The following MMP28 variants were observed in gnomAD, a reference collection of about 807,000 sequenced individuals.
MMP28 encodes the protein matrix metalloproteinase-28.
Under a neutral mutation model 60.5 loss-of-function variants are expected in MMP28, and 55 were observed. The observed-to-expected ratio is 0.91, with a 90% CI of 0.73 to 1.14. MMP28 has a LOEUF of 1.14. MMP28 is among the 50% of genes most tolerant of loss of function. The pLI is 0.00. For missense variants in MMP28, 686 were observed against 738.3 expected, an observed-to-expected ratio of 0.93 and a Z score of 0.82; for synonymous variants, 318 against 312.5, an observed-to-expected ratio of 1.02 and a Z score of -0.18.
At position 35,777,142 on chromosome 17, in the gene MMP28, G is replaced by A. The variant is rs1175603478; in HGVS notation, c.379+1746C>T. Among the ~76,000 whole-genome samples the A allele has an allele frequency of 4.6e-5, 7 of 152,202 alleles. No individual in the cohort carries two copies. The East Asian group carries it at 9.6e-4, about 21-fold the overall frequency. ...TGCAACCTGGAAGGGCCTATGTCTC[G>A]GATGAAGGAACGGAGCCTCAGTGAG... On this transcript the variant is annotated intron_variant, in intron 3 of 7. Coordinates refer to ENST00000605424, the MANE Select transcript of MMP28 (RefSeq NM_024302.5).
intron 1 of MMP28, among the ~76,000 whole-genome samples, chr17:35,785,779 T>G (rs1555610325): frequency 3.3e-5 from 5 of 152,114 alleles, no homozygotes; most frequent in Non-Finnish European, 1.5e-5. Context: ...CTAATATATA[T>G]TCCAGCTCTA....
intron 1 of MMP28, among the ~76,000 whole-genome samples, chr17:35,784,651 C>A (rs2086599861): frequency 1.3e-5 from 2 of 152,126 alleles, no homozygotes; most frequent in South Asian, 4.1e-4. Flanking sequence ...ACAAAGGGAT[C>A]CCAGGAGAAG....
At chr17:35,772,686 G>A (rs2086193690) in intron 4 of MMP28, among the ~76,000 whole-genome samples, 1 of 152,212 alleles carries the variant, frequency 6.6e-6, no homozygotes, top group South Asian at 2.1e-4. Context: ...CTTCAGGTTG[G>A]GGACAAACAG....
intron 1 of MMP28, 110 bp downstream of exon 1, chr17:35,795,157 T>G: frequency 1.6e-6 from 1 of 642,684 alleles, no homozygotes; most frequent in Admixed American, 4.3e-5. Flanking sequence ...AGGACAGGGG[T>G]AGGGTAACGC....
At chr17:35,776,794 CAGA>C (rs1252827868) in intron 3 of MMP28, among the ~76,000 whole-genome samples, 1 of 151,910 alleles carries the variant, frequency 6.6e-6, no homozygotes, top group African/African-American at 2.4e-5. Flanking sequence ...GAGGCTGGGG[CAGA>C]AGAATTGCTT....
chr17:35,769,912 G>A (rs1038198404), intron 5 of MMP28, among the ~76,000 whole-genome samples, 155 bp downstream of exon 5: 2 of 152,076 alleles, frequency 1.3e-5, no homozygotes, highest in Non-Finnish European at 2.9e-5. Flanking sequence ...ATTTGAGGAG[G>A]GGCATAGGGC....
chr17:35,764,269 C>T, downstream of MMP28: 1 of 1,537,390 alleles, frequency 6.5e-7, no homozygotes, highest in East Asian at 2.5e-5. Context: ...ACAGCGGCTT[C>T]TGGGGCTGGC....
In MMP28 at chr17:35,766,959, T is replaced by C; in HGVS notation, c.1169-65A>G. The C allele has an allele frequency of 7.0e-7, 1 of 1,427,970 alleles. No individual in the cohort carries two copies. The highest frequency in any genetic ancestry group is 9.6e-7 in the Non-Finnish European group (1 of 1,044,250). 88.5% of individuals were successfully genotyped at this position (1,427,970 alleles called of 1,614,324 possible). On this transcript the variant is annotated intron_variant, in intron 7 of 7. Transcript: ENST00000605424. The surrounding 1 kb of genome is among the most constrained non-coding windows in gnomAD (Gnocchi z 4.3). The stretch of plus-strand genomic sequence containing the variant: ...TCACCCATTGGCCCTCTACCCCACT[T>C]CTGTCCCCCATACCTCTGCTCTCCT...
chr17:35,771,475 G>A (rs1555605661), intron 4 of MMP28, among the ~76,000 whole-genome samples: 1 of 148,788 alleles, frequency 6.7e-6, no homozygotes, highest in African/African-American at 2.5e-5. Flanking sequence ...AAAGATCTAG[G>A]AGTAGGTAGA....
At chr17:35,779,148 G>A in intron 2 of MMP28, 73 bp from the exon 3 acceptor site, 1 of 1,573,018 alleles carries the variant, frequency 6.4e-7, no homozygotes, top group East Asian at 2.3e-5. Flanking sequence ...CCTCCCTGGG[G>A]TGTAGCCAGC....
downstream of MMP28, chr17:35,764,724 A>G (rs1555602500): frequency 4.3e-5 from 55 of 1,275,402 alleles, no homozygotes; most frequent in Non-Finnish European, 5.4e-5. Flanking sequence ...ATTCCGCAGG[A>G]CCGCCCCTTC....
At chr17:35,787,048 G>C (rs199760795) in intron 1 of MMP28, among the ~76,000 whole-genome samples, 1 of 152,228 alleles carries the variant, frequency 6.6e-6, no homozygotes, top group East Asian at 1.9e-4. Context: ...TAAAACTAAA[G>C]GGGCAAGGGC....
chr17:35,787,577 G>A (rs1441059280), intron 1 of MMP28, among the ~76,000 whole-genome samples: 2 of 152,052 alleles, frequency 1.3e-5, no homozygotes, highest in Non-Finnish European at 2.9e-5. Context: ...TGCAATCTCC[G>A]CCTCCTGGGC....
intron 1 of MMP28, among the ~76,000 whole-genome samples, chr17:35,792,603 G>A (rs557635924): frequency 2.0e-5 from 3 of 152,316 alleles, no homozygotes; most frequent in South Asian, 4.1e-4. Context: ...TTGTAATGTA[G>A]TCATAGTAAC....
intron 3 of MMP28, among the ~76,000 whole-genome samples, chr17:35,774,716 G>A (rs951627456): frequency 6.6e-6 from 1 of 152,180 alleles, no homozygotes; most frequent in Non-Finnish European, 1.5e-5. Flanking sequence ...GGCCTGTTTG[G>A]CCTGGCAGCC....
Position 35,770,133 on chromosome 17 carries a change from A to G in MMP28, c.784T>C (p.Tyr262His), listed in dbSNP as rs779090998. 1.4e-5 allele frequency: 22 copies of G among 1,607,486 alleles called. No homozygotes were observed. Among genetic ancestry groups the G allele is most frequent in the Admixed American group, 1.7e-5 (1 of 59,376 alleles). Residue 262 changes from tyrosine (Y) to histidine (H), a missense_variant, in exon 5 of 8, where the codon TAC becomes CAC. Transcript: ENST00000605424. Reference sequence around the variant, plus strand: ...AGCGCGTCGCGGCCCAGCCTCTTGTAGTAGGGCGCCATGAGCGCGCGCGGC... The same window carrying G: ...AGCGCGTCGCGGCCCAGCCTCTTGTGGTAGGGCGCCATGAGCGCGCGCGGC... ...PAPRALMAPY[Y>H]KRLGRDALLS...
intron 1 of MMP28, 127 bp downstream of exon 1, chr17:35,795,140 G>GGCA (rs2086931268): frequency 1.8e-6 from 1 of 564,914 alleles, no homozygotes; most frequent in South Asian, 4.7e-5. Context: ...AAGTGCGAAG[G>GGCA]GGGCGGAGGA....
chr17:35,790,888 ATG>A (rs201601048), intron 1 of MMP28, among the ~76,000 whole-genome samples: 138 of 145,050 alleles, frequency 9.5e-4, no homozygotes, highest in Middle Eastern at 3.7e-3. Context: ...AAATGTATTA[ATG>A]TTTTTTTTTT....
At chr17:35,788,652 A>T (rs964062502) in intron 1 of MMP28, among the ~76,000 whole-genome samples, 2 of 152,148 alleles carry the variant, frequency 1.3e-5, no homozygotes, top group African/African-American at 4.8e-5. Context: ...CAGACACTGC[A>T]TCTGGGGGTG....
Sources: gnomAD v4.1 joint callset for allele counts (sites outside exome capture counted in the v4.1 genomes callset) on GRCh38, gnomAD v4.1.1 for gene constraint, Gnocchi (gnomAD v3.1) non-coding constraint, MANE v1.5 for transcripts, NCBI Gene and HGNC (gene_info 2026-07-23, HGNC 2026-07-21) for gene names.